The following EXOC6B variants were observed in gnomAD, a reference collection of about 807,000 sequenced individuals.
EXOC6B encodes the protein SEC15 homolog B.
A neutral mutation model predicts 113.5 loss-of-function variants in EXOC6B; 54 were observed. The observed-to-expected ratio is 0.48, with a 90% CI of 0.38 to 0.60. The LOEUF is 0.60. EXOC6B is among the 20% of genes least tolerant of loss of function. The pLI is 0.00. For missense variants in EXOC6B, 797 were observed against 977.5 expected (o/e 0.82, Z 2.46); for synonymous variants, 357 against 339.0 (o/e 1.05, Z -0.58).
At position 72,292,172 on chromosome 2, in the gene EXOC6B, AGTGTGTGTGTGTGT is replaced by A. The variant is rs58303616; in HGVS notation, c.2196+42761_2196+42774del. Among the ~76,000 whole-genome samples the A allele has an allele frequency of 1.3e-4, 18 of 139,402 alleles. No homozygotes were observed. The South Asian group carries it at 2.5e-3, about 19-fold the overall frequency. The allele number at this position is 139,402 out of a possible 152,430, so 91.5% of individuals were successfully genotyped here. A position where few individuals can be genotyped will look rare whatever the true frequency, so the allele number is the denominator to read the frequency against. On this transcript the variant is annotated intron_variant, in intron 20 of 21. Coordinates refer to ENST00000272427, the MANE Select transcript of EXOC6B (RefSeq NM_015189.3). Reference sequence around the variant, plus strand: ...GTGGTGGCAGGAGGATCCAGAAGTAAGTGTGTGTGTGTGTGTGTGTGTGTGTGTGTGTGTGTGTG... The same window carrying A: ...GTGGTGGCAGGAGGATCCAGAAGTAAGTGTGTGTGTGTGTGTGTGTGTGTG...
At position 72,751,067 on chromosome 2, in the gene EXOC6B, C is replaced by A. The variant is rs191364925; in HGVS notation, c.114-9598G>T. ...GAATTACCAAGAAAAGAAAAAAAAA[C>A]TATCAAAAATGAATATATGAACCCA... On this transcript the variant is annotated intron_variant, in intron 1 of 21. Coordinates refer to ENST00000272427, the MANE Select transcript of EXOC6B (RefSeq NM_015189.3). Among the ~76,000 whole-genome samples the A allele has an allele frequency of 5.5e-3, 831 of 151,834 alleles. 9 individuals are homozygous for A. The highest frequency in any genetic ancestry group is 0.019 in the African/African-American group (793 of 41,430).
chr2:72,807,787 G>A (rs950282776), intron 1 of EXOC6B, among the ~76,000 whole-genome samples: 4 of 151,910 alleles, frequency 2.6e-5, no homozygotes, highest in Non-Finnish European at 5.9e-5. Context: ...TTGGTTACCA[G>A]AGGCTGGGAA....
chr2:72,658,944 A>G (rs539088291), intron 6 of EXOC6B, among the ~76,000 whole-genome samples: 1 of 152,076 alleles, frequency 6.6e-6, no homozygotes, highest in Non-Finnish European at 1.5e-5. Flanking sequence ...AGCACGAAAT[A>G]TAGTACATTT....
At chr2:72,312,646 C>T (rs1687263796) in intron 20 of EXOC6B, among the ~76,000 whole-genome samples, 1 of 151,704 alleles carries the variant, frequency 6.6e-6, no homozygotes, top group African/African-American at 2.4e-5. Context: ...ATCCCAGCTA[C>T]TCGGAGGCTG....
intron 6 of EXOC6B, among the ~76,000 whole-genome samples, chr2:72,614,450 T>A (rs1671267504): frequency 6.6e-6 from 1 of 152,064 alleles, no homozygotes; most frequent in Admixed American, 6.6e-5. Context: ...AACTTAAGAA[T>A]TTAATTTAAA....
intron 8 of EXOC6B, among the ~76,000 whole-genome samples, chr2:72,553,935 C>T (rs953616595): frequency 6.6e-6 from 1 of 152,008 alleles, no homozygotes; most frequent in African/African-American, 2.4e-5. Flanking sequence ...GCACAAATAT[C>T]AAATTTATGG....
At chr2:72,765,137 T>G (rs1240309086) in intron 1 of EXOC6B, among the ~76,000 whole-genome samples, 2 of 151,718 alleles carry the variant, frequency 1.3e-5, no homozygotes, top group African/African-American at 4.8e-5. Context: ...GAAGAAAAAT[T>G]TTTAAAAAAT....
intron 18 of EXOC6B, among the ~76,000 whole-genome samples, chr2:72,431,485 T>TTCTCTATCTATCTATCTATC (rs766066651): frequency 1.5e-5 from 2 of 133,892 alleles, no homozygotes; most frequent in African/African-American, 5.8e-5. Flanking sequence ...CTTGATTTCT[T>TTCTCTATCTATCTATCTATC]TATCTATCTA....
At chr2:72,492,454 G>C in intron 15 of EXOC6B, 25 bp from the exon 16 acceptor site, 1 of 1,453,564 alleles carries the variant, frequency 6.9e-7, no homozygotes, top group Non-Finnish European at 9.7e-7. Context: ...TTAAGAGTCA[G>C]TCATAGCAGG....
intron 11 of EXOC6B, among the ~76,000 whole-genome samples, chr2:72,506,484 C>G (rs929159391): frequency 1.3e-5 from 2 of 152,234 alleles, no homozygotes; most frequent in South Asian, 2.1e-4. Flanking sequence ...GTTACCTCAA[C>G]GAAAAGGCAG....
chr2:72,542,337 G>C (rs1702650947), intron 8 of EXOC6B, among the ~76,000 whole-genome samples: 1 of 151,924 alleles, frequency 6.6e-6, no homozygotes, highest in South Asian at 2.1e-4. Flanking sequence ...CTTGAATAGG[G>C]ACAGGCGAAG....
chr2:72,491,411 C>T (rs1229728940), intron 16 of EXOC6B, among the ~76,000 whole-genome samples: 1 of 152,106 alleles, frequency 6.6e-6, no homozygotes, highest in Non-Finnish European at 1.5e-5. Context: ...TGCGCTTCAC[C>T]ATAATCCTTG....
chr2:72,531,274 T>G (rs572216675), intron 8 of EXOC6B, among the ~76,000 whole-genome samples: 1 of 152,198 alleles, frequency 6.6e-6, no homozygotes, highest in Non-Finnish European at 1.5e-5. Context: ...TTACATTATA[T>G]AGACATAATT....
intron 18 of EXOC6B, among the ~76,000 whole-genome samples, chr2:72,452,054 G>A (rs758854614): frequency 3.3e-5 from 5 of 152,124 alleles, no homozygotes; most frequent in Non-Finnish European, 7.4e-5. Context: ...TGTCAAAGAA[G>A]CAAAAATGTA....
At chr2:72,349,102 T>C (rs1689502766) in intron 19 of EXOC6B, among the ~76,000 whole-genome samples, 1 of 152,240 alleles carries the variant, frequency 6.6e-6, no homozygotes, top group South Asian at 2.1e-4. Context: ...TATGTGACCC[T>C]AGGCCAAACA....
At chr2:72,422,192 C>A (rs1035634444) in intron 18 of EXOC6B, among the ~76,000 whole-genome samples, 2 of 152,232 alleles carry the variant, frequency 1.3e-5, no homozygotes, top group African/African-American at 2.4e-5. Context: ...CATCGACCAC[C>A]CAAGGGCTGA....
chr2:72,449,461 G>A (rs913606066), intron 18 of EXOC6B, among the ~76,000 whole-genome samples: 5 of 149,522 alleles, frequency 3.3e-5, no homozygotes, highest in East Asian at 1.9e-4. Flanking sequence ...GTGAGCCACC[G>A]CGCCTGGCCA....
At chr2:72,661,436 A>G (rs1675008962) in intron 6 of EXOC6B, among the ~76,000 whole-genome samples, 1 of 151,994 alleles carries the variant, frequency 6.6e-6, no homozygotes, top group South Asian at 2.1e-4. Context: ...TATAGGGTCA[A>G]TATCAATATC....
chr2:72,226,657 G>A (rs1402509606), intron 20 of EXOC6B, among the ~76,000 whole-genome samples: 1 of 152,136 alleles, frequency 6.6e-6, no homozygotes, highest in African/African-American at 2.4e-5. Flanking sequence ...AGGTTGTCAT[G>A]TTTTACAGAA....
Sources: allele counts gnomAD v4.1 joint callset (sites outside exome capture counted in the v4.1 genomes callset), GRCh38; gene constraint gnomAD v4.1.1; transcripts MANE v1.5; gene names NCBI Gene and HGNC (gene_info 2026-07-23, HGNC 2026-07-21).